Variants in NUAK2 observed in about 807,000 individuals in gnomAD.
NUAK2 encodes NUAK family SNF1-like kinase 2.
Under a neutral mutation model 29.8 loss-of-function variants are expected in NUAK2, and 20 were observed. That is an observed-to-expected ratio of 0.67 (90% CI 0.47 to 0.98). The LOEUF (loss-of-function observed/expected upper bound fraction) is 0.98, where lower values mean the gene tolerates loss of function less well. Among genes scored for constraint, NUAK2 ranks in the 50% least tolerant of loss-of-function variants. The probability of loss-of-function intolerance (pLI) is 0.00; values close to 1 mark genes in which losing one functional copy is unlikely to be tolerated. For synonymous variants in NUAK2, 331 were observed against 342.6 expected (o/e 0.97, Z 0.37); for missense variants, 719 against 834.5 (o/e 0.86, Z 1.71).
intron 5 of NUAK2, chr1:205,305,656 G>T (rs1662170294): frequency 3.5e-6 from 1 of 288,850 alleles, no homozygotes; most frequent in Admixed American, 6.5e-5. Context: ...GGGAGGCAAA[G>T]AACTAACCTA....
chr1:205,304,167 G>A lies in NUAK2; in HGVS notation c.1170C>T (p.Asp390=), dbSNP rs1175443838. Reference sequence around the variant, plus strand: ...GGCGATGGGCAGTGTCATCAGCCGTGTCACTGTGGAGAGACTGGGCCATGT... The same window carrying A: ...GGCGATGGGCAGTGTCATCAGCCGTATCACTGTGGAGAGACTGGGCCATGT... The part of the protein sequence containing the change: ...ENDMAQSLHS[D]TADDTAHRPG... The change falls in exon 7 of 7, where the codon GAC becomes GAT. Residue 390 remains aspartate (D), a synonymous_variant. Coordinates refer to ENST00000367157, the MANE Select transcript of NUAK2 (RefSeq NM_030952.3). This position sits in a 1 kb window ranked among gnomAD's most constrained non-coding sequence, Gnocchi z 6.5. 6.2e-7 allele frequency: 1 copy of A among 1,614,210 alleles called. No homozygotes were observed. The highest frequency in any genetic ancestry group is 2.2e-5 in the East Asian group (1 of 44,878).
At chr1:205,310,649 T>C (rs1662244788) in intron 2 of NUAK2, among the ~76,000 whole-genome samples, 1 of 152,052 alleles carries the variant, frequency 6.6e-6, no homozygotes, top group South Asian at 2.1e-4. Flanking sequence ...GCTGGAGATA[T>C]GGGTGTAAGG....
rs2102645934 is a variant in NUAK2 at position 205,306,205 on chromosome 1, G to C, written c.673C>G (p.Pro225Ala). Residue 225 changes from proline (P) to alanine (A), a missense_variant, in exon 5 of 7, where the codon CCC becomes GCC. Pro to Ala is a conservative substitution (Grantham distance 27). Coordinates refer to ENST00000367157, the MANE Select transcript of NUAK2 (RefSeq NM_030952.3). ...CCACTTACCTCTGGGCCTGTGTAGG[G>C]CTTCCCATTGACAATCTCTGGCGAG... ...YASPEIVNGK[P>A]YTGPEVDSWS... 6.2e-7 allele frequency: 1 copy of C among 1,613,312 alleles called. No homozygotes were observed. Among genetic ancestry groups the C allele is most frequent in the Non-Finnish European group, 8.5e-7 (1 of 1,179,532 alleles).
At chr1:205,311,886 TG>T in intron 1 of NUAK2, 61 bp from the exon 2 acceptor site, 1 of 1,602,994 alleles carries the variant, frequency 6.2e-7, no homozygotes, top group Non-Finnish European at 8.5e-7. Flanking sequence ...CTGGGGGCCC[TG>T]GTCCTGGTGG....
intron 1 of NUAK2, among the ~76,000 whole-genome samples, chr1:205,320,753 C>A (rs1467020506): frequency 6.6e-6 from 1 of 152,198 alleles, no homozygotes; most frequent in Non-Finnish European, 1.5e-5. Flanking sequence ...ACCAAAGTAA[C>A]AGGGCATGTT....
chr1:205,319,764 C>T (rs1412876775), intron 1 of NUAK2, among the ~76,000 whole-genome samples: 1 of 152,204 alleles, frequency 6.6e-6, no homozygotes, highest in African/African-American at 2.4e-5. Flanking sequence ...GCAGGAAAAA[C>T]ATACTCGGTC....
In NUAK2 at chr1:205,304,026, C is replaced by T. The variant is rs1309836156; in HGVS notation, c.1311G>A (p.Gly437=). 1 of 1,613,940 alleles carries T rather than the reference C, an allele frequency of 6.2e-7. No individual in the cohort carries two copies. The highest frequency in any genetic ancestry group is 8.5e-7 in the Non-Finnish European group (1 of 1,179,900). Residue 437 remains glycine, a synonymous_variant, in exon 7 of 7, where the codon GGG becomes GGA. Coordinates refer to ENST00000367157, the MANE Select transcript of NUAK2 (RefSeq NM_030952.3). The surrounding 1 kb of genome is among the most constrained non-coding windows in gnomAD (Gnocchi z 6.5). ...TCTTGGGGAGCAGGGGGGCAGCCTG[C>T]CCTGGGCTCGCAGGGATTGGGCTGA... is the stretch of plus-strand genomic sequence containing the variant. ...PELSPIPASP[G]QAAPLLPKKG...
At position 205,304,219 on chromosome 1, in the gene NUAK2, G is replaced by T. The variant is rs768146177; in HGVS notation, c.1118C>A (p.Ser373Ter). ...ATTCTCCTTGCGGGACTTCTTGAGC[G>T]AATGCTGGCGCTCCAGGCCAGGGGT... The part of the protein sequence containing the change: ...STTPGLERQH[S>*]LKKSRKENDM... The change falls in exon 7 of 7, where the codon TCG becomes TAG. Residue 373 changes from serine to a stop codon, truncating the protein, a stop_gained. Coordinates refer to ENST00000367157, the MANE Select transcript of NUAK2 (RefSeq NM_030952.3). LOFTEE classifies it low-confidence loss of function (END_TRUNC). The surrounding 1 kb of genome is among the most constrained non-coding windows in gnomAD (Gnocchi z 6.5). The T allele has an allele frequency of 6.2e-7, 1 of 1,614,176 alleles. No homozygotes were observed. The highest frequency in any genetic ancestry group is 2.2e-5 in the East Asian group (1 of 44,866).
At chr1:205,316,798 A>G (rs1662334237) in intron 1 of NUAK2, among the ~76,000 whole-genome samples, 1 of 152,124 alleles carries the variant, frequency 6.6e-6, no homozygotes, top group South Asian at 2.1e-4. Context: ...ATAATTTCTG[A>G]TTCTGTCCCA....
Position 205,303,761 on chromosome 1 carries a change from C to T in NUAK2, c.1576G>A (p.Glu526Lys), listed in dbSNP as rs1278930053. Reference protein sequence around the residue: ...AAPTTFGSLDELAPPRPLARA... With the variant: ...AAPTTFGSLDKLAPPRPLARA... ...GCCAGGGGGCGAGGTGGGGCGAGTT[C>T]ATCCAGGGAGCCGAAGGTGGTGGGG... is the stretch of plus-strand genomic sequence containing the variant. The change falls in exon 7 of 7, where the codon GAA (glutamate) becomes AAA (lysine). Residue 526 changes from glutamate to lysine, a missense_variant. Around this residue, in one of 3 missense-constraint regions of NUAK2, gnomAD observed 430 missense variants for 465.7 expected, o/e 0.92. Transcript: ENST00000367157. 1.3e-6 allele frequency: 2 copies of T among 1,548,436 alleles called. No homozygotes were observed. The highest frequency in any genetic ancestry group is 1.7e-6 in the Non-Finnish European group (2 of 1,148,408).
At chr1:205,319,634 T>C (rs1271276155) in intron 1 of NUAK2, among the ~76,000 whole-genome samples, 1 of 152,122 alleles carries the variant, frequency 6.6e-6, no homozygotes, top group African/African-American at 2.4e-5. Flanking sequence ...GCCTCAAGCC[T>C]GGAGCCTCAC....
chr1:205,315,016 T>A (rs1382121005), intron 1 of NUAK2, among the ~76,000 whole-genome samples: 3 of 152,180 alleles, frequency 2.0e-5, no homozygotes, highest in Non-Finnish European at 2.9e-5. Context: ...TGATTCTACA[T>A]CAGAATTGTT....
intron 2 of NUAK2, among the ~76,000 whole-genome samples, chr1:205,309,330 ATTTC>A (rs1335726454): frequency 6.6e-6 from 1 of 152,040 alleles, no homozygotes; most frequent in African/African-American, 2.4e-5. Flanking sequence ...ACCTACAGTT[ATTTC>A]TTTATTTATT....
intron 1 of NUAK2, among the ~76,000 whole-genome samples, chr1:205,320,346 GCTCCGC>G (rs1456124619): frequency 2.0e-5 from 3 of 152,068 alleles, no homozygotes; most frequent in Admixed American, 2.0e-4. Context: ...CTCACTGCAA[GCTCCGC>G]CTCCTGGGTT....
chr1:205,313,363 C>T (rs902354240), intron 1 of NUAK2, among the ~76,000 whole-genome samples: 3 of 152,124 alleles, frequency 2.0e-5, no homozygotes, highest in Admixed American at 6.5e-5. Context: ...TATCTTAGCC[C>T]GGCAAGATGA....
chr1:205,315,442 T>C (rs1662313139), intron 1 of NUAK2, among the ~76,000 whole-genome samples: 1 of 152,224 alleles, frequency 6.6e-6, no homozygotes, highest in Non-Finnish European at 1.5e-5. Flanking sequence ...TTGACTGAGA[T>C]GGGAGCAGTG....
At chr1:205,317,592 T>TTA (rs1329632153) in intron 1 of NUAK2, among the ~76,000 whole-genome samples, 3 of 152,276 alleles carry the variant, frequency 2.0e-5, no homozygotes. Context: ...CTTGCCATCC[T>TTA]CCAGCCCCCT....
chr1:205,314,179 C>T (rs567502683), intron 1 of NUAK2, among the ~76,000 whole-genome samples: 9 of 152,330 alleles, frequency 5.9e-5, no homozygotes, highest in South Asian at 2.1e-4. Flanking sequence ...CCGGTCACCC[C>T]GGCAACGGGC....
intron 1 of NUAK2, among the ~76,000 whole-genome samples, chr1:205,318,957 G>C (rs781080962): frequency 6.6e-6 from 1 of 152,188 alleles, no homozygotes; most frequent in Non-Finnish European, 1.5e-5. Context: ...AAGTCACCCA[G>C]CTGGCTTTCC....
Sources: gnomAD v4.1 joint callset for allele counts (sites outside exome capture counted in the v4.1 genomes callset) on GRCh38, gnomAD v4.1.1 for gene constraint, gnomAD v4.1.1 regional missense constraint, Gnocchi (gnomAD v3.1) non-coding constraint, MANE v1.5 for transcripts, NCBI Gene and HGNC (gene_info 2026-07-23, HGNC 2026-07-21) for gene names.